Variants in ABHD3 observed in about 807,000 individuals in gnomAD.
The protein encoded by ABHD3 is phospholipase ABHD3.
In ABHD3, 46 loss-of-function variants were observed where a neutral mutation model predicts 48.8. The observed-to-expected ratio is 0.94, with a 90% CI of 0.74 to 1.20. The LOEUF is 1.20. Among genes scored for constraint, ABHD3 ranks in the 50% most tolerant of loss-of-function variants. ABHD3 has a pLI of 0.00. For synonymous variants in ABHD3, 192 were observed against 183.7 expected (o/e 1.04, Z -0.36); for missense variants, 490 against 497.8 (o/e 0.98, Z 0.15).
intron 8 of ABHD3, among the ~76,000 whole-genome samples, chr18:21,656,041 A>G (rs2039340989): frequency 6.6e-6 from 1 of 151,932 alleles, no homozygotes; most frequent in South Asian, 2.1e-4. Context: ...CTGTAATCCC[A>G]GCTACTTGGG....
chr18:21,683,624 G>C (rs368827047), intron 4 of ABHD3: 3 of 424,768 alleles, frequency 7.1e-6, no homozygotes, highest in East Asian at 1.5e-4. Context: ...TTAAAATGTA[G>C]TAAGTACAAA....
chr18:21,701,205 T>C (rs1240754174), intron 3 of ABHD3: 1 of 150,402 alleles, frequency 6.6e-6, no homozygotes, highest in African/African-American at 2.5e-5. Flanking sequence ...CAAAATGTTC[T>C]TCTTTCCTTT....
In ABHD3 at chr18:21,657,159, C is replaced by T. The variant is rs1337252166; in HGVS notation, c.843-7G>A. 26 of 1,595,570 alleles carry T rather than the reference C, an allele frequency of 1.6e-5. No homozygotes were observed. The highest frequency in any genetic ancestry group is 2.0e-5 in the Non-Finnish European group (24 of 1,172,310). On this transcript the variant is annotated splice_region_variant and splice_polypyrimidine_tract_variant and intron_variant, in intron 6 of 8. Transcript: ENST00000289119. ...TACAAACATATGTCGGTGCCTGGAACAAAAGAATTTCGGAAGTAAAAATCA... is the reference window on the plus strand; with the variant it reads ...TACAAACATATGTCGGTGCCTGGAATAAAAGAATTTCGGAAGTAAAAATCA...
At chr18:21,690,367 C>G (rs992680364) in intron 3 of ABHD3, among the ~76,000 whole-genome samples, 3 of 151,972 alleles carry the variant, frequency 2.0e-5, no homozygotes, top group African/African-American at 4.8e-5. Flanking sequence ...TTCGGGAGGC[C>G]GGGGCAGGCA....
At chr18:21,689,768 C>A (rs924001460) in intron 3 of ABHD3, among the ~76,000 whole-genome samples, 1 of 151,896 alleles carries the variant, frequency 6.6e-6, no homozygotes, top group Non-Finnish European at 1.5e-5. Flanking sequence ...ACAAGCAACC[C>A]AATTAAGGCT....
intron 4 of ABHD3, among the ~76,000 whole-genome samples, chr18:21,666,296 C>T (rs372601290): frequency 3.3e-4 from 50 of 152,252 alleles, no homozygotes; most frequent in African/African-American, 1.1e-3. Context: ...CGGGTTCAAG[C>T]GATTCTCCTG....
intron 4 of ABHD3, chr18:21,683,508 G>A (rs1415436576): frequency 2.0e-6 from 1 of 510,984 alleles, no homozygotes; most frequent in South Asian, 1.5e-5. Context: ...AGGAAAATGT[G>A]TTTTGCATTA....
intron 4 of ABHD3, among the ~76,000 whole-genome samples, chr18:21,678,708 A>G (rs2039942874): frequency 6.6e-6 from 1 of 152,128 alleles, no homozygotes; most frequent in African/African-American, 2.4e-5. Flanking sequence ...TTGAAAACCA[A>G]TCTGCAGAGT....
chr18:21,659,035 T>C (rs2039421187), intron 6 of ABHD3, 135 bp downstream of exon 6: 6 of 823,972 alleles, frequency 7.3e-6, no homozygotes, highest in African/African-American at 1.8e-5. Flanking sequence ...GAGACGGGGT[T>C]TCACCATGTT....
chr18:21,684,127 A>G (rs1161198799), intron 3 of ABHD3, among the ~76,000 whole-genome samples, 162 bp from the exon 4 acceptor site: 1 of 152,178 alleles, frequency 6.6e-6, no homozygotes, highest in Admixed American at 6.5e-5. Context: ...GCAATGCACT[A>G]AAATAAAATT....
In ABHD3 at chr18:21,703,095, T is replaced by C. The variant is rs919966699; in HGVS notation, c.326+489A>G. On this transcript the variant is annotated intron_variant, in intron 2 of 8. Coordinates refer to ENST00000289119, the MANE Select transcript of ABHD3 (RefSeq NM_138340.5). ...TTTAAATCTGGTTCCTGATAAATCC[T>C]GGACCGTATCTTTAACACATCAAGA... Among the ~76,000 whole-genome samples the C allele has an allele frequency of 5.9e-5, 9 of 152,264 alleles. No homozygotes were observed. In the South Asian group the frequency reaches 8.3e-4, roughly 14 times the overall value.
Position 21,704,703 on chromosome 18 carries a change from G to A in ABHD3, c.-38C>T. On this transcript the variant is annotated 5_prime_UTR_variant, in exon 1 of 9. Transcript: ENST00000289119. ...CGGCGCGCGGGTCCTGCGGCGGGAG[G>A]AGAGCCGGCTGGCGAGCGGGCGAGA... 1 of 1,387,136 alleles carries A rather than the reference G, an allele frequency of 7.2e-7. No individual in the cohort carries two copies. Among genetic ancestry groups the A allele is most frequent in the Non-Finnish European group, 9.4e-7 (1 of 1,065,178 alleles). 85.9% of individuals were successfully genotyped at this position (1,387,136 alleles called of 1,614,324 possible).
chr18:21,702,554 A>ATTTCG, intron 2 of ABHD3, 56 bp from the exon 3 acceptor site: 2 of 1,375,778 alleles, frequency 1.5e-6, no homozygotes, highest in East Asian at 5.2e-5. Context: ...TCATGTCTTA[A>ATTTCG]TTTTAATTCT....
intron 3 of ABHD3, among the ~76,000 whole-genome samples, chr18:21,690,765 C>A (rs2040232946): frequency 6.6e-6 from 1 of 151,654 alleles, no homozygotes; most frequent in Admixed American, 6.6e-5. Context: ...GAGGCCGAGG[C>A]AGGTGGATCA....
At chr18:21,683,656 C>A in intron 4 of ABHD3, 1 of 270,794 alleles carries the variant, frequency 3.7e-6, no homozygotes, top group South Asian at 4.6e-5. Flanking sequence ...AAAATAGAAT[C>A]TTAATTTTTA....
intron 4 of ABHD3, among the ~76,000 whole-genome samples, chr18:21,679,966 G>A (rs1268207292): frequency 6.6e-6 from 1 of 151,942 alleles, no homozygotes; most frequent in African/African-American, 2.4e-5. Context: ...GAGCCACTGT[G>A]CCTGGCCCTA....
intron 4 of ABHD3, among the ~76,000 whole-genome samples, chr18:21,665,959 T>C (rs1168867440): frequency 6.6e-6 from 1 of 152,178 alleles, no homozygotes; most frequent in Non-Finnish European, 1.5e-5. Context: ...TAGTGCTGTC[T>C]TCACTCTAGA....
intron 4 of ABHD3, among the ~76,000 whole-genome samples, chr18:21,667,440 C>T (rs2039660466): frequency 6.6e-6 from 1 of 151,664 alleles, no homozygotes; most frequent in African/African-American, 2.4e-5. Context: ...GATGGGGTTT[C>T]TCCATGTTGA....
At chr18:21,663,389 G>C (rs2039546352) in intron 5 of ABHD3, among the ~76,000 whole-genome samples, 1 of 151,274 alleles carries the variant, frequency 6.6e-6, no homozygotes, top group African/African-American at 2.4e-5. Flanking sequence ...ATGGCTTCAG[G>C]AATCTAAAAG....
Sources: allele counts gnomAD v4.1 joint callset (sites outside exome capture counted in the v4.1 genomes callset), GRCh38; gene constraint gnomAD v4.1.1; transcripts MANE v1.5; gene names NCBI Gene and HGNC (gene_info 2026-07-23, HGNC 2026-07-21).